The following PAQR3 variants were observed in gnomAD, a reference collection of about 807,000 sequenced individuals.
The protein encoded by PAQR3 is progestin and adipoQ receptor family member 3.
Under a neutral mutation model 41.7 loss-of-function variants are expected in PAQR3, and 39 were observed. That is an observed-to-expected ratio of 0.93 (90% CI 0.72 to 1.22). The LOEUF is 1.22. Among genes scored for constraint, PAQR3 ranks in the 50% most tolerant of loss-of-function variants. The pLI, the probability that PAQR3 is intolerant of heterozygous loss-of-function variation, is 0.00. For synonymous variants in PAQR3, 140 were observed against 140.6 expected (o/e 1.00, Z 0.03); for missense variants, 366 against 385.6 (o/e 0.95, Z 0.42).
chr4:78,889,220 CAAAAAA>C (rs71661191), intron 11 of PAQR3, among the ~76,000 whole-genome samples: 1 of 53,754 alleles, frequency 1.9e-5, no homozygotes, highest in Non-Finnish European at 4.0e-5. Flanking sequence ...GACTCTGTCT[CAAAAAA>C]AAAAAAAAAA....
chr4:78,896,651 T>TA (rs1369879207), intron 11 of PAQR3, among the ~76,000 whole-genome samples: 1 of 152,254 alleles, frequency 6.6e-6, no homozygotes, highest in African/African-American at 2.4e-5. Flanking sequence ...GACTAATATG[T>TA]CTACTTGATT....
downstream of PAQR3, among the ~76,000 whole-genome samples, chr4:78,906,946 G>C (rs1577982342): frequency 6.6e-6 from 1 of 152,214 alleles, no homozygotes; most frequent in East Asian, 1.9e-4. Context: ...TTTAGTAGCT[G>C]TGTTAATTAC....
intron 3 of PAQR3, among the ~76,000 whole-genome samples, chr4:78,928,311 G>C (rs1244788599): frequency 6.6e-6 from 1 of 152,018 alleles, no homozygotes; most frequent in Non-Finnish European, 1.5e-5. Context: ...TATGAAAGCT[G>C]GGCAGAAATA....
chr4:78,924,226 T>C (rs550308104), intron 4 of PAQR3, among the ~76,000 whole-genome samples: 5 of 152,186 alleles, frequency 3.3e-5, no homozygotes, highest in Admixed American at 1.3e-4. Context: ...ATGTGTAGAA[T>C]GCATATGGAA....
Position 78,920,157 on chromosome 4 carries a change from T to C in PAQR3, c.*382A>G, listed in dbSNP as rs1421827268. 1.0e-6 allele frequency: 1 copy of C among 989,532 alleles called. No individual in the cohort carries two copies. The highest frequency in any genetic ancestry group is 1.1e-4 in the East Asian group (1 of 9,058). 61.3% of individuals were successfully genotyped at this position (989,532 alleles called of 1,614,324 possible). On this transcript the variant is annotated 3_prime_UTR_variant, in exon 6 of 6. Coordinates refer to ENST00000512733, the MANE Select transcript of PAQR3 (RefSeq NM_001040202.2). Reference sequence around the variant, plus strand: ...TTGATTAGGCACTTAAACTTGACAATTAACTGAAAATAATTAAGCACATAA... The same window carrying C: ...TTGATTAGGCACTTAAACTTGACAACTAACTGAAAATAATTAAGCACATAA...
At chr4:78,895,676 T>C (rs932849051) in intron 11 of PAQR3, among the ~76,000 whole-genome samples, 1 of 152,160 alleles carries the variant, frequency 6.6e-6, no homozygotes, top group African/African-American at 2.4e-5. Flanking sequence ...ATATCTATTG[T>C]TAAAGAAAAA....
intron 5 of PAQR3, among the ~76,000 whole-genome samples, chr4:78,922,634 T>C (rs142075253): frequency 6.6e-6 from 1 of 152,090 alleles, no homozygotes; most frequent in East Asian, 1.9e-4. Context: ...ATAGTAATAA[T>C]TGCTGTCATT....
intron 11 of PAQR3, among the ~76,000 whole-genome samples, chr4:78,899,750 C>T (rs992648143): frequency 6.6e-6 from 1 of 151,802 alleles, no homozygotes; most frequent in Non-Finnish European, 1.5e-5. Context: ...TTAGATTTAG[C>T]ATTTAGTAAT....
chr4:78,927,974 T>C lies in PAQR3; in HGVS notation c.505-1256A>G, dbSNP rs537796379. On this transcript the variant is annotated intron_variant, in intron 3 of 5. Coordinates refer to ENST00000512733, the MANE Select transcript of PAQR3 (RefSeq NM_001040202.2). ...AAAGGTAAAACGAGTCTTTTATAGG[T>C]CTACAGCAACTGAGTGTTTGAAAAT... Among the ~76,000 whole-genome samples the C allele has an allele frequency of 2.6e-5, 4 of 152,290 alleles. No homozygotes were observed. The South Asian group carries it at 8.3e-4, about 32-fold the overall frequency.
chr4:78,891,975 C>G (rs919157308), intron 11 of PAQR3, among the ~76,000 whole-genome samples: 1 of 152,108 alleles, frequency 6.6e-6, no homozygotes, highest in Non-Finnish European at 1.5e-5. Flanking sequence ...CCTAGTTGAC[C>G]ATGATTTCTT....
At chr4:78,924,947 TCAAA>T (rs766717310) in intron 4 of PAQR3, among the ~76,000 whole-genome samples, 28 of 152,266 alleles carry the variant, frequency 1.8e-4, no homozygotes, top group Non-Finnish European at 3.1e-4. Flanking sequence ...CTCAGATTTC[TCAAA>T]CATTCTAGAA....
At chr4:78,910,128 A>G (rs564320574), downstream of PAQR3, among the ~76,000 whole-genome samples, 17 of 152,336 alleles carry the variant, frequency 1.1e-4, no homozygotes, top group East Asian at 1.9e-4. Context: ...AAAAAATACA[A>G]TGCTGATTTA....
intron 11 of PAQR3, among the ~76,000 whole-genome samples, chr4:78,889,559 T>C (rs988482776): frequency 6.6e-6 from 1 of 152,174 alleles, no homozygotes; most frequent in African/African-American, 2.4e-5. Flanking sequence ...TTTTCTTTAA[T>C]AGCAAAATAA....
chr4:78,909,358 CA>C (rs1363652670), downstream of PAQR3, among the ~76,000 whole-genome samples: 1 of 69,462 alleles, frequency 1.4e-5, no homozygotes, highest in African/African-American at 4.8e-5. Context: ...TTCTATAGAG[CA>C]GTCATTTTTT....
At position 78,917,186 on chromosome 4, in the gene PAQR3, T is replaced by G. The variant is rs1414295642; in HGVS notation, c.*3353A>C. The stretch of plus-strand genomic sequence containing the variant: ...GAATACCTTTTTAAGGAAGCCCAGG[T>G]CAAGCATCATATGTAACATGTAGTT... On this transcript the variant is annotated 3_prime_UTR_variant, in exon 6 of 6. Coordinates refer to ENST00000512733, the MANE Select transcript of PAQR3 (RefSeq NM_001040202.2). The G allele has an allele frequency of 6.6e-6, 1 of 151,962 alleles. No homozygotes were observed. The highest frequency in any genetic ancestry group is 1.5e-5 in the Non-Finnish European group (1 of 67,896). 9.4% of individuals were successfully genotyped at this position (151,962 alleles called of 1,614,324 possible).
chr4:78,911,984 C>T lies in PAQR3; in HGVS notation c.*8555G>A, dbSNP rs749126686. 3.7e-5 allele frequency: 60 copies of T among 1,613,746 alleles called. 1 individual carries two copies. In the South Asian group the frequency reaches 6.1e-4, roughly 17 times the overall value. ...CCACATCAGTCCCAACAGTCCCAAC[C>T]AGTCGAATTAGACCCATTTGGTGCT... On this transcript the variant is annotated 3_prime_UTR_variant, in exon 6 of 6. Transcript: ENST00000512733.
In PAQR3 at chr4:78,920,032, C is replaced by T; in HGVS notation, c.*507G>A. On this transcript the variant is annotated 3_prime_UTR_variant, in exon 6 of 6. Coordinates refer to ENST00000512733, the MANE Select transcript of PAQR3 (RefSeq NM_001040202.2). ...TATAATATCTGAAGTGCCAGTTTCT[C>T]ACAAATCATTTTAGTGATTATTTAA... The T allele has an allele frequency of 2.0e-6, 2 of 985,140 alleles. No individual in the cohort carries two copies. The highest frequency in any genetic ancestry group is 3.5e-5 in the African/African-American group (2 of 57,280). The allele number at this position is 985,140 out of a possible 1,614,324, so 61.0% of individuals were successfully genotyped here.
In PAQR3 at chr4:78,918,806, G is replaced by A; in HGVS notation, c.*1733C>T. 3 of 984,298 alleles carry A rather than the reference G, an allele frequency of 3.0e-6. No individual in the cohort carries two copies. The highest frequency in any genetic ancestry group is 3.6e-6 in the Non-Finnish European group (3 of 829,252). 61.0% of individuals were successfully genotyped at this position (984,298 alleles called of 1,614,324 possible). On this transcript the variant is annotated 3_prime_UTR_variant, in exon 6 of 6. Coordinates refer to ENST00000512733, the MANE Select transcript of PAQR3 (RefSeq NM_001040202.2). ...GTAACTACTCAGTGTCTTTTGTTTG[G>A]CCAAAATGACAAAATATCTATTAAA... is the stretch of plus-strand genomic sequence containing the variant.
chr4:78,918,758 T>G lies in PAQR3; in HGVS notation c.*1781A>C. 1.0e-6 allele frequency: 1 copy of G among 982,448 alleles called. No individual in the cohort carries two copies. The highest frequency in any genetic ancestry group is 1.2e-6 in the Non-Finnish European group (1 of 827,352). The allele number at this position is 982,448 out of a possible 1,614,324, so 60.9% of individuals were successfully genotyped here. A position where few individuals can be genotyped will look rare whatever the true frequency, so the allele number is the denominator to read the frequency against. ...TGGCTCCACACCTAAAATAATGATT[T>G]TCCCCTCATTTTTAACTTAAGTGTA... On this transcript the variant is annotated 3_prime_UTR_variant, in exon 6 of 6. Transcript: ENST00000512733.
Sources: allele counts gnomAD v4.1 joint callset (sites outside exome capture counted in the v4.1 genomes callset), GRCh38; gene constraint gnomAD v4.1.1; transcripts MANE v1.5; gene names NCBI Gene and HGNC (gene_info 2026-07-23, HGNC 2026-07-21).